The following CASP4 variants were observed in gnomAD, a reference collection of about 807,000 sequenced individuals.
CASP4 encodes the protein caspase-4.
In CASP4, 29 loss-of-function variants were observed where a neutral mutation model predicts 41.3. The observed-to-expected ratio is 0.70, with a 90% CI of 0.52 to 0.96. The LOEUF is 0.96. Among genes scored for constraint, CASP4 ranks in the 40% least tolerant of loss-of-function variants. CASP4 has a pLI of 0.00. For missense variants in CASP4, 447 were observed against 460.6 expected, an observed-to-expected ratio of 0.97 and a Z score of 0.27; for synonymous variants, 185 against 158.4, an observed-to-expected ratio of 1.17 and a Z score of -1.26.
chr11:104,955,621 G>T (rs1419297151), intron 1 of CASP4, among the ~76,000 whole-genome samples: 1 of 151,896 alleles, frequency 6.6e-6, no homozygotes, highest in African/African-American at 2.4e-5. Context: ...TTCAAATCTT[G>T]TTCTCAATGA....
intron 7 of CASP4, among the ~76,000 whole-genome samples, chr11:104,946,210 T>C (rs940071401): frequency 6.6e-6 from 1 of 152,182 alleles, no homozygotes; most frequent in Non-Finnish European, 1.5e-5. Context: ...GTTTTACTGT[T>C]CTCTACAATT....
At chr11:104,965,940 A>T (rs1025470455) in intron 1 of CASP4, among the ~76,000 whole-genome samples, 2 of 152,182 alleles carry the variant, frequency 1.3e-5, no homozygotes, top group African/African-American at 4.8e-5. Flanking sequence ...ACACCCAGGA[A>T]GAGAACACAG....
chr11:104,952,545 C>T (rs1003181077), intron 2 of CASP4, among the ~76,000 whole-genome samples: 1 of 152,006 alleles, frequency 6.6e-6, no homozygotes. Flanking sequence ...TAGCCACAAG[C>T]CAAATGCTTA....
chr11:104,949,657 C>T lies in CASP4; in HGVS notation c.667G>A (p.Glu223Lys), dbSNP rs562485825. 4.3e-6 allele frequency: 7 copies of T among 1,613,974 alleles called. No homozygotes were observed. The African/African-American group carries it at 9.3e-5, about 22-fold the overall frequency. Reference protein sequence around the residue: ...LEGICGTVHDEKKPDVLLYDT... With the variant: ...LEGICGTVHDKKKPDVLLYDT... The stretch of plus-strand genomic sequence containing the variant: ...TAAAGCAGCACATCTGGTTTTTTCT[C>T]ATCATGCACAGTTCCGCAGATTCCC... The change falls in exon 5 of 9, where the codon GAG becomes AAG. Residue 223 changes from glutamate to lysine, a missense_variant. Glu to Lys is a moderately conservative substitution (Grantham distance 56). Coordinates refer to ENST00000444739, the MANE Select transcript of CASP4 (RefSeq NM_001225.4).
At chr11:104,960,716 C>T (rs1860839473) in intron 1 of CASP4, among the ~76,000 whole-genome samples, 1 of 152,142 alleles carries the variant, frequency 6.6e-6, no homozygotes, top group South Asian at 2.1e-4. Flanking sequence ...GTGATCCACC[C>T]ATCTTGGTCT....
At chr11:104,943,306 C>A (rs1167367873) in intron 8 of CASP4, 1 of 257,900 alleles carries the variant, frequency 3.9e-6, no homozygotes, top group Non-Finnish European at 7.6e-6. Context: ...CACTCACGTT[C>A]TCTTTTGGTC....
intron 1 of CASP4, among the ~76,000 whole-genome samples, chr11:104,958,298 A>C (rs1197565919): frequency 2.0e-5 from 3 of 152,276 alleles, no homozygotes; most frequent in East Asian, 1.9e-4. Flanking sequence ...CATCAAACTA[A>C]AAAGCTTTTA....
chr11:104,948,116 G>T (rs1416831835), intron 6 of CASP4: 1 of 152,482 alleles, frequency 6.6e-6, no homozygotes, highest in Non-Finnish European at 1.5e-5. Flanking sequence ...GACCTAATCA[G>T]CCCCACCCTA....
chr11:104,949,206 C>G (rs1860543284), intron 5 of CASP4: 2 of 343,842 alleles, frequency 5.8e-6, no homozygotes, highest in Non-Finnish European at 1.1e-5. Context: ...CTTCTCAAAC[C>G]ACACAATGTC....
chr11:104,951,881 T>C lies in CASP4; in HGVS notation c.372+15A>G. On this transcript the variant is annotated intron_variant, in intron 3 of 8. Transcript: ENST00000444739. ...TCTCTTCTTTTTTTTCTATTTCATA[T>C]AGATAGCATAGCACCTCTTCAGCTC... 6.7e-7 allele frequency: 1 copy of C among 1,501,452 alleles called. No homozygotes were observed. The highest frequency in any genetic ancestry group is 2.3e-5 in the East Asian group (1 of 44,338). 93.0% of individuals were successfully genotyped at this position (1,501,452 alleles called of 1,614,324 possible).
Position 104,957,287 on chromosome 11 carries a change from A to T in CASP4, c.8-2286T>A, listed in dbSNP as rs1222993861. On this transcript the variant is annotated intron_variant, in intron 1 of 8. Coordinates refer to ENST00000444739, the MANE Select transcript of CASP4 (RefSeq NM_001225.4). The stretch of plus-strand genomic sequence containing the variant: ...TAAACCATCTTTAAAAAATAAATAA[A>T]TTTCCATTTAAAATTGCTGCAAAAA... Among the ~76,000 whole-genome samples, 3 of 152,160 alleles carry T rather than the reference A, an allele frequency of 2.0e-5. No homozygotes were observed. The East Asian group carries it at 5.8e-4, about 29-fold the overall frequency.
chr11:104,949,404 A>T, intron 5 of CASP4, 139 bp downstream of exon 5: 1 of 873,194 alleles, frequency 1.1e-6, no homozygotes, highest in Non-Finnish European at 1.8e-6. Flanking sequence ...CCAGACCCTT[A>T]GGTAGAGTTT....
rs1385917196 is a variant in CASP4 at position 104,949,523 on chromosome 11, T to A, written c.781+20A>T. On this transcript the variant is annotated intron_variant, in intron 5 of 8. Transcript: ENST00000444739. Reference sequence around the variant, plus strand: ...TGCATACACCTTCATAACTGTTAGATGTTCAGTCTCAGCACTCACCACCTC... The same window carrying A: ...TGCATACACCTTCATAACTGTTAGAAGTTCAGTCTCAGCACTCACCACCTC... 1.9e-6 allele frequency: 3 copies of A among 1,610,638 alleles called. No homozygotes were observed. The highest frequency in any genetic ancestry group is 2.2e-5 in the South Asian group (2 of 91,022).
intron 1 of CASP4, among the ~76,000 whole-genome samples, chr11:104,959,484 G>A (rs1860810815): frequency 6.6e-6 from 1 of 151,958 alleles, no homozygotes; most frequent in Admixed American, 6.6e-5. Context: ...ATGGCCTGAG[G>A]TATAATCTAC....
chr11:104,950,212 GTCT>G (rs757759676), intron 4 of CASP4, among the ~76,000 whole-genome samples: 3 of 150,912 alleles, frequency 2.0e-5, no homozygotes, highest in Non-Finnish European at 2.9e-5. Flanking sequence ...AGTCACACTG[GTCT>G]TCTCTTTGTG....
At chr11:104,954,219 C>T (rs1204024856) in intron 2 of CASP4, among the ~76,000 whole-genome samples, 1 of 152,144 alleles carries the variant, frequency 6.6e-6, no homozygotes, top group African/African-American at 2.4e-5. Context: ...CAGCAAAACA[C>T]TCAAGTAGAC....
In CASP4 at chr11:104,968,441, C is replaced by T; in HGVS notation, c.7+78G>A. ...TGTGTGCTATCGGCTCACTTCCTTTCTTGTGTTTATTTCAGAGCAATAAAT... is the reference window on the plus strand; with the variant it reads ...TGTGTGCTATCGGCTCACTTCCTTTTTTGTGTTTATTTCAGAGCAATAAAT... On this transcript the variant is annotated intron_variant, in intron 1 of 8. Coordinates refer to ENST00000444739, the MANE Select transcript of CASP4 (RefSeq NM_001225.4). 4.5e-6 allele frequency: 6 copies of T among 1,326,964 alleles called. No homozygotes were observed. In the South Asian group the frequency reaches 4.7e-5, roughly 10 times the overall value. 82.2% of individuals were successfully genotyped at this position (1,326,964 alleles called of 1,614,324 possible). A position where few individuals can be genotyped will look rare whatever the true frequency, so the allele number is the denominator to read the frequency against.
chr11:104,951,731 T>C (rs1241680065), intron 3 of CASP4, 165 bp downstream of exon 3: 3 of 671,512 alleles, frequency 4.5e-6, no homozygotes, highest in Non-Finnish European at 8.2e-6. Flanking sequence ...GAGAAAGGAT[T>C]GGTATCATTG....
At chr11:104,960,764 C>A (rs558710597) in intron 1 of CASP4, among the ~76,000 whole-genome samples, 1 of 152,166 alleles carries the variant, frequency 6.6e-6, no homozygotes, top group South Asian at 2.1e-4. Context: ...CCTGAGCCAC[C>A]ACATCCAGCC....
Sources: gnomAD v4.1 joint callset for allele counts (sites outside exome capture counted in the v4.1 genomes callset) on GRCh38, gnomAD v4.1.1 for gene constraint, MANE v1.5 for transcripts, NCBI Gene and HGNC (gene_info 2026-07-23, HGNC 2026-07-21) for gene names.